Variants in WNT2B observed in about 807,000 individuals in gnomAD.
The protein encoded by WNT2B is Wnt family member 2B.
A neutral mutation model predicts 40.5 loss-of-function variants in WNT2B; 19 were observed. The observed-to-expected ratio is 0.47, with a 90% CI of 0.33 to 0.69. The LOEUF (loss-of-function observed/expected upper bound fraction) is 0.69, where lower values mean the gene tolerates loss of function less well. Among genes scored for constraint, WNT2B ranks in the 30% least tolerant of loss-of-function variants. The pLI, the probability that WNT2B is intolerant of heterozygous loss-of-function variation, is 0.02. For missense variants in WNT2B, 467 were observed against 556.4 expected, an observed-to-expected ratio of 0.84 and a Z score of 1.62; for synonymous variants, 220 against 211.9, an observed-to-expected ratio of 1.04 and a Z score of -0.33.
chr1:112,497,808 C>T (rs1047583290), intron 1 of WNT2B, among the ~76,000 whole-genome samples: 5 of 152,060 alleles, frequency 3.3e-5, no homozygotes, highest in African/African-American at 7.2e-5. Context: ...ATCTTAAAAT[C>T]GTTTCTCTGC....
In WNT2B at chr1:112,527,330, C is replaced by T. The variant is rs538934643; in HGVS notation, c.*6821C>T. The T allele has an allele frequency of 6.6e-6, 1 of 152,562 alleles. No individual in the cohort carries two copies. The highest frequency in any genetic ancestry group is 2.1e-4 in the South Asian group (1 of 4,822). 9.5% of individuals were successfully genotyped at this position (152,562 alleles called of 1,614,324 possible). On this transcript the variant is annotated 3_prime_UTR_variant, in exon 5 of 5. Transcript: ENST00000369684. ...ACAGTCTACCTATAGTCAGGACTTC[C>T]CCAAGGCAGACTTTATTTTTTGGTC...
At chr1:112,495,002 G>A (rs1651717916) in intron 1 of WNT2B, among the ~76,000 whole-genome samples, 1 of 151,468 alleles carries the variant, frequency 6.6e-6, no homozygotes, top group Non-Finnish European at 1.5e-5. Context: ...AGGGATTAGA[G>A]GGAGGAACTA....
upstream of WNT2B, chr1:112,508,764 G>A (rs535688242): frequency 4.5e-5 from 44 of 986,796 alleles, no homozygotes; most frequent in South Asian, 1.4e-4. The surrounding 1 kb of genome is among the most constrained non-coding windows in gnomAD (Gnocchi z 4.2). Flanking sequence ...GCGGCGTCCC[G>A]TCGCAGCGTG....
At position 112,515,903 on chromosome 1, in the gene WNT2B, T is replaced by A. The variant is rs978832459; in HGVS notation, c.404-237T>A. ...GCAGGAAACAAGAGTATAGGTCAGC[T>A]CAAAAGGTCAGATATACAAAGAAGT... On this transcript the variant is annotated intron_variant, in intron 2 of 4. Coordinates refer to ENST00000369684, the MANE Select transcript of WNT2B (RefSeq NM_024494.3). This position sits in a 1 kb window ranked among gnomAD's most constrained non-coding sequence, Gnocchi z 4.4. Among the ~76,000 whole-genome samples the A allele has an allele frequency of 6.6e-6, 1 of 151,976 alleles. No individual in the cohort carries two copies. Among genetic ancestry groups the A allele is most frequent in the African/African-American group, 2.4e-5 (1 of 41,352 alleles).
intron 1 of WNT2B, among the ~76,000 whole-genome samples, chr1:112,510,293 C>T (rs769031948): frequency 7.9e-5 from 12 of 152,174 alleles, no homozygotes; most frequent in Non-Finnish European, 1.5e-4. Context: ...TGGCACTCAT[C>T]ACCTTCCCGT....
intron 1 of WNT2B, among the ~76,000 whole-genome samples, chr1:112,475,653 G>T (rs141623633): frequency 1.3e-5 from 2 of 151,528 alleles, no homozygotes; most frequent in Non-Finnish European, 1.5e-5. Context: ...ATAAGTTAAA[G>T]ATGTACACAA....
intron 1 of WNT2B, among the ~76,000 whole-genome samples, chr1:112,473,061 G>GAAAGGAAGAA (rs1423837061): frequency 3.0e-4 from 19 of 62,322 alleles, no homozygotes; most frequent in African/African-American, 2.4e-3. Context: ...AAAGAAAAAG[G>GAAAGGAAGAA]AAAGGAAGAA....
intron 1 of WNT2B, among the ~76,000 whole-genome samples, chr1:112,482,443 G>A (rs745418080): frequency 5.3e-5 from 8 of 152,192 alleles, no homozygotes; most frequent in South Asian, 2.1e-4. Context: ...TCAAGCAATC[G>A]TCCTGCCTCA....
rs35427726 is a variant in WNT2B, at chr1:112,489,782, A to ATT, written c.-95+22200_-95+22201dup. Among the ~76,000 whole-genome samples the ATT allele has an allele frequency of 6.8e-3, 1,016 of 150,078 alleles. 6 individuals are homozygous for ATT. The highest frequency in any genetic ancestry group is 0.011 in the Non-Finnish European group (774 of 67,432). ...TTAAGAAACATCACAAATTCTGCCTATTTTTTTTTTACTATTCCTTTTGCA... is the reference window on the plus strand; with the variant it reads ...TTAAGAAACATCACAAATTCTGCCTATTTTTTTTTTTTACTATTCCTTTTGCA... On this transcript the variant is annotated intron_variant, in intron 1 of 4. Coordinates refer to the WNT2B transcript ENST00000256640.
chr1:112,526,239 T>C lies in WNT2B; in HGVS notation c.*5730T>C. On this transcript the variant is annotated 3_prime_UTR_variant, in exon 5 of 5. Transcript: ENST00000369684. ...CTCCTGAACCTTATCAACCAATGGC[T>C]CTTTTGCCATTTCTGCCACTATTAC... The C allele has an allele frequency of 7.7e-7, 1 of 1,292,268 alleles. No individual in the cohort carries two copies. Among genetic ancestry groups the C allele is most frequent in the Non-Finnish European group, 1.1e-6 (1 of 940,744 alleles). The allele number at this position is 1,292,268 out of a possible 1,614,324, so 80.1% of individuals were successfully genotyped here. A position where few individuals can be genotyped will look rare whatever the true frequency, so the allele number is the denominator to read the frequency against.
chr1:112,514,670 A>G (rs1309118063), intron 1 of WNT2B: 3 of 608,544 alleles, frequency 4.9e-6, no homozygotes, highest in East Asian at 5.6e-5. Flanking sequence ...AGGCCACTCA[A>G]TTACTCTCTC....
At position 112,516,428 on chromosome 1, in the gene WNT2B, A is replaced by G; in HGVS notation, c.681+11A>G. On this transcript the variant is annotated intron_variant, in intron 3 of 4. Coordinates refer to ENST00000369684, the MANE Select transcript of WNT2B (RefSeq NM_024494.3). The stretch of plus-strand genomic sequence containing the variant: ...CGCTGTGGTCGCACGGTCAGTACTC[A>G]TGTCTGTGTAAGTACACTCATATTT... 6.2e-7 allele frequency: 1 copy of G among 1,603,566 alleles called. No individual in the cohort carries two copies. The highest frequency in any genetic ancestry group is 2.2e-5 in the East Asian group (1 of 44,686).
At position 112,517,253 on chromosome 1, in the gene WNT2B, G is replaced by T; in HGVS notation, c.814G>T (p.Ala272Ser). The T allele has an allele frequency of 6.2e-7, 1 of 1,614,220 alleles. No individual in the cohort carries two copies. Among genetic ancestry groups the T allele is most frequent in the Non-Finnish European group, 8.5e-7 (1 of 1,180,042 alleles). The stretch of plus-strand genomic sequence containing the variant: ...TTACCTGCGGCGACGCTATGATGGG[G>T]CTGTGCAGGTGATGGCCACCCAAGA... ...GDYLRRRYDG[A>S]VQVMATQDGA... The change falls in exon 4 of 5, where the codon GCT becomes TCT. Residue 272 changes from alanine to serine, a missense_variant. Physicochemically the swap from Ala to Ser is moderately conservative, Grantham distance 99. This residue lies in a region of WNT2B where 330 missense variants were observed against 438.6 expected (regional missense o/e 0.75). Transcript: ENST00000369684.
intron 1 of WNT2B, among the ~76,000 whole-genome samples, chr1:112,502,251 C>A (rs1326983330): frequency 6.6e-6 from 1 of 152,126 alleles, no homozygotes; most frequent in Non-Finnish European, 1.5e-5. Context: ...GTCCCCGTGC[C>A]CTCCAGCTGC....
chr1:112,478,279 A>C (rs949907447), intron 1 of WNT2B, among the ~76,000 whole-genome samples: 1 of 151,774 alleles, frequency 6.6e-6, no homozygotes, highest in African/African-American at 2.4e-5. Context: ...GAGAGAGGGC[A>C]GAAAGCTTAT....
At position 112,509,064 on chromosome 1, in the gene WNT2B, G is replaced by C. The variant is rs1652237177; in HGVS notation, c.-199G>C. ...CAGACCCCGGGTTCGGCACGCCGTCGTCGGCTTCCGGACATCGCAACTTGC... is the reference window on the plus strand; with the variant it reads ...CAGACCCCGGGTTCGGCACGCCGTCCTCGGCTTCCGGACATCGCAACTTGC... On this transcript the variant is annotated 5_prime_UTR_variant, in exon 1 of 5. Coordinates refer to ENST00000369684, the MANE Select transcript of WNT2B (RefSeq NM_024494.3). The surrounding 1 kb of genome is among the most constrained non-coding windows in gnomAD (Gnocchi z 4.2). 1 of 1,352,098 alleles carries C rather than the reference G, an allele frequency of 7.4e-7. No individual in the cohort carries two copies. Among genetic ancestry groups the C allele is most frequent in the Admixed American group, 4.0e-5 (1 of 25,254 alleles). 83.8% of individuals were successfully genotyped at this position (1,352,098 alleles called of 1,614,324 possible). A position where few individuals can be genotyped will look rare whatever the true frequency, so the allele number is the denominator to read the frequency against.
intron 1 of WNT2B, among the ~76,000 whole-genome samples, chr1:112,483,022 C>T (rs1005761463): frequency 6.6e-6 from 1 of 152,084 alleles, no homozygotes; most frequent in Non-Finnish European, 1.5e-5. Flanking sequence ...AATCACACTT[C>T]CCAATTTTGA....
Position 112,528,502 on chromosome 1 carries a change from G to GA in WNT2B, c.*7994dup, listed in dbSNP as rs1653827559. On this transcript the variant is annotated 3_prime_UTR_variant, in exon 5 of 5. Transcript: ENST00000369684. ...TTTGTTACAGACCCAGGGACTAACA[G>GA]AGATCTACACTGTAAAGTTCAACAA... 1 of 152,108 alleles carries GA rather than the reference G, an allele frequency of 6.6e-6. No homozygotes were observed. Among genetic ancestry groups the GA allele is most frequent in the Non-Finnish European group, 1.5e-5 (1 of 68,008 alleles). The allele number at this position is 152,108 out of a possible 1,614,324, so 9.4% of individuals were successfully genotyped here.
Position 112,509,403 on chromosome 1 carries a change from G to C in WNT2B, c.141G>C (p.Leu47=), listed in dbSNP as rs1187112504. 6.3e-6 allele frequency: 10 copies of C among 1,592,510 alleles called. No homozygotes were observed. The highest frequency in any genetic ancestry group is 7.7e-6 in the Non-Finnish European group (9 of 1,175,710). ...TAGGTCTTGCCTGCCTTCTGCTCCT[G>C]CTGCTGCTGACGCTGCCGGCCCGCG... is the stretch of plus-strand genomic sequence containing the variant. The part of the protein sequence containing the change: ...ARLGLACLLL[L]LLLTLPARVD... The change falls in exon 1 of 5, where the codon CTG becomes CTC. Residue 47 remains leucine (L), a synonymous_variant. Coordinates refer to ENST00000369684, the MANE Select transcript of WNT2B (RefSeq NM_024494.3). The surrounding 1 kb of genome is among the most constrained non-coding windows in gnomAD (Gnocchi z 4.2).
Sources: gnomAD v4.1 joint callset for allele counts (sites outside exome capture counted in the v4.1 genomes callset) on GRCh38, gnomAD v4.1.1 for gene constraint, gnomAD v4.1.1 regional missense constraint, Gnocchi (gnomAD v3.1) non-coding constraint, MANE v1.5 for transcripts, NCBI Gene and HGNC (gene_info 2026-07-23, HGNC 2026-07-21) for gene names.